The following USPL1 variants were observed in gnomAD, a reference collection of about 807,000 sequenced individuals.
USPL1 encodes SUMO-specific isopeptidase USPL1.
USPL1 carries 27 observed loss-of-function variants against 51.5 expected under a neutral mutation model. That is an observed-to-expected ratio of 0.52 (90% CI 0.39 to 0.72). The LOEUF is 0.72. Ranked by LOEUF, USPL1 falls within the 30% of genes least tolerant of loss-of-function variation. USPL1 has a pLI of 0.00. For missense variants in USPL1, 1,226 were observed against 1,268.0 expected (o/e 0.97, Z 0.50); for synonymous variants, 451 against 459.6 (o/e 0.98, Z 0.24).
At chr13:30,625,415 A>C (rs1950698733) in intron 3 of USPL1, among the ~76,000 whole-genome samples, 1 of 149,958 alleles carries the variant, frequency 6.7e-6, no homozygotes. Flanking sequence ...GATGTACTAC[A>C]TAGATTTTTA....
chr13:30,647,116 T>C (rs1209698086), intron 7 of USPL1, 59 bp downstream of exon 7: 3 of 1,526,110 alleles, frequency 2.0e-6, no homozygotes, highest in Non-Finnish European at 2.7e-6. Context: ...TACATTTTTC[T>C]TAATGTGTAG....
At position 30,653,214 on chromosome 13, in the gene USPL1, A is replaced by G. The variant is rs775886937; in HGVS notation, c.1305A>G (p.Ala435=). The change falls in exon 8 of 9, where the codon GCA becomes GCG. Residue 435 remains alanine, a synonymous_variant. Coordinates refer to ENST00000255304, the MANE Select transcript of USPL1 (RefSeq NM_005800.5). ...CACAGAATGACTTGCAGCACTATGC[A>G]TTTCATTTTGAAGGCTGTCTTTATC... The part of the protein sequence containing the change: ...GLPQNDLQHY[A]FHFEGCLYQI... The G allele has an allele frequency of 6.2e-7, 1 of 1,613,112 alleles. No individual in the cohort carries two copies. The highest frequency in any genetic ancestry group is 1.3e-5 in the African/African-American group (1 of 74,922).
chr13:30,631,737 C>T (rs1185175823), intron 4 of USPL1, among the ~76,000 whole-genome samples: 13 of 152,142 alleles, frequency 8.5e-5, no homozygotes, highest in Non-Finnish European at 1.6e-4. Flanking sequence ...GCACCCTTCC[C>T]GCCTCAGCCT....
At position 30,657,884 on chromosome 13, in the gene USPL1, T is replaced by G; in HGVS notation, c.1807T>G (p.Ser603Ala). ...AACAGCCTCAGTTTCACAGTTAAAT[T>G]CTGAAGCTTTCCTGTTAGAAAATAA... ...QKTASVSQLN[S>A]EAFLLENKPV... is the part of the protein sequence containing the mutation. Residue 603 changes from serine to alanine, a missense_variant, in exon 9 of 9, where the codon TCT (serine) becomes GCT (alanine). Physicochemically the swap from Ser to Ala is moderately conservative, Grantham distance 99. Transcript: ENST00000255304. 1 of 1,614,016 alleles carries G rather than the reference T, an allele frequency of 6.2e-7. No individual in the cohort carries two copies. The highest frequency in any genetic ancestry group is 1.1e-5 in the South Asian group (1 of 91,068).
chr13:30,655,395 G>A (rs781210891), intron 8 of USPL1, among the ~76,000 whole-genome samples: 13 of 152,176 alleles, frequency 8.5e-5, no homozygotes, highest in Non-Finnish European at 1.2e-4. Flanking sequence ...AAATTGGCCT[G>A]AAGTGACAAC....
intron 3 of USPL1, among the ~76,000 whole-genome samples, chr13:30,622,108 G>A (rs1441410736): frequency 6.6e-6 from 1 of 151,844 alleles, no homozygotes; most frequent in Admixed American, 6.6e-5. Flanking sequence ...TTTGATTTGC[G>A]AGAGGAGAAA....
At chr13:30,650,276 C>T (rs1338893813) in intron 7 of USPL1, among the ~76,000 whole-genome samples, 1 of 152,130 alleles carries the variant, frequency 6.6e-6, no homozygotes, top group Non-Finnish European at 1.5e-5. Flanking sequence ...TAAAAATATG[C>T]CATTAAGAAA....
At chr13:30,645,008 G>A (rs76403574) in intron 6 of USPL1, among the ~76,000 whole-genome samples, 2 of 152,186 alleles carry the variant, frequency 1.3e-5, no homozygotes, top group East Asian at 3.9e-4. Context: ...GAAGATCCTA[G>A]TGTCCTCATT....
intron 4 of USPL1, among the ~76,000 whole-genome samples, chr13:30,634,255 G>A (rs995029202): frequency 4.6e-5 from 7 of 152,300 alleles, no homozygotes; most frequent in Middle Eastern, 3.4e-3. Context: ...AGTGTAGACA[G>A]CATGGACACA....
intron 6 of USPL1, among the ~76,000 whole-genome samples, chr13:30,644,409 G>A (rs929105240): frequency 1.1e-4 from 11 of 102,952 alleles, no homozygotes; most frequent in Non-Finnish European, 1.8e-4. Context: ...GGCAACAAAG[G>A]TTTTGTTTTT....
intron 3 of USPL1, among the ~76,000 whole-genome samples, chr13:30,626,444 C>G (rs1253101831): frequency 6.6e-6 from 1 of 152,180 alleles, no homozygotes; most frequent in African/African-American, 2.4e-5. Flanking sequence ...TAGCCATGCT[C>G]AATCATTTAT....
rs1419238567 is a variant in USPL1 at position 30,658,661 on chromosome 13, C to A, written c.2584C>A (p.Gln862Lys). Residue 862 changes from glutamine (Q) to lysine (K), a missense_variant, in exon 9 of 9, where the codon CAA becomes AAA. Physicochemically the swap from Gln to Lys is moderately conservative, Grantham distance 53. Coordinates refer to ENST00000255304, the MANE Select transcript of USPL1 (RefSeq NM_005800.5). ...EKSGSTSCGA[Q>K]LNHSSYGNGI... Reference sequence around the variant, plus strand: ...GTCTGGAAGCACCTCATGTGGAGCTCAACTCAACCACAGTTCTTATGGGAA... The same window carrying A: ...GTCTGGAAGCACCTCATGTGGAGCTAAACTCAACCACAGTTCTTATGGGAA... The A allele has an allele frequency of 1.9e-6, 3 of 1,614,204 alleles. No homozygotes were observed. Among genetic ancestry groups the A allele is most frequent in the Non-Finnish European group, 1.7e-6 (2 of 1,180,034 alleles).
intron 3 of USPL1, among the ~76,000 whole-genome samples, chr13:30,624,386 A>G (rs1038834225): frequency 6.6e-6 from 1 of 152,196 alleles, no homozygotes; most frequent in Non-Finnish European, 1.5e-5. Context: ...AGGCTGAGGC[A>G]GGAGGATTGC....
intron 8 of USPL1, among the ~76,000 whole-genome samples, chr13:30,656,171 C>T (rs1161658683): frequency 6.6e-6 from 1 of 152,160 alleles, no homozygotes; most frequent in Non-Finnish European, 1.5e-5. Flanking sequence ...ACCTAGCCAC[C>T]TTCCTTTACT....
chr13:30,654,599 C>T (rs568754303), intron 8 of USPL1, among the ~76,000 whole-genome samples: 1 of 152,292 alleles, frequency 6.6e-6, no homozygotes, highest in South Asian at 2.1e-4. Context: ...GAACCACTGA[C>T]ACAGGCAAAC....
In USPL1 at chr13:30,635,034, G is replaced by C. The variant is rs561359786; in HGVS notation, c.869-2710G>C. The stretch of plus-strand genomic sequence containing the variant: ...CCCTATTTGTTCTGTTCTGTTGATT[G>C]TCACGTTTTAATTGATTTGTATGAG... On this transcript the variant is annotated intron_variant, in intron 4 of 8. Transcript: ENST00000255304. Among the ~76,000 whole-genome samples the C allele has an allele frequency of 1.6e-4, 25 of 152,194 alleles. 1 individual carries two copies. Among genetic ancestry groups the C allele is most frequent in the African/African-American group, 6.0e-4 (25 of 41,508 alleles).
chr13:30,631,274 A>C lies in USPL1; in HGVS notation c.668A>C (p.Gln223Pro), dbSNP rs779263029. 1.9e-6 allele frequency: 3 copies of C among 1,614,170 alleles called. No homozygotes were observed. Among genetic ancestry groups the C allele is most frequent in the Non-Finnish European group, 2.5e-6 (3 of 1,180,022 alleles). The change falls in exon 4 of 9, where the codon CAG (glutamine) becomes CCG (proline). Residue 223 changes from glutamine (Q) to proline (P), a missense_variant. Physicochemically the swap from Gln to Pro is moderately conservative, Grantham distance 76 (BLOSUM62 -1). Transcript: ENST00000255304. ...PLESKCTSFP[Q>P]ALCVQWKNAY... is the part of the protein sequence containing the mutation. ...GAGAGCAAATGTACATCATTTCCCC[A>C]GGCTTTATGTGTCCAGTGGAAAAAT... is the stretch of plus-strand genomic sequence containing the variant.
intron 3 of USPL1, among the ~76,000 whole-genome samples, chr13:30,626,804 C>T (rs1188744847): frequency 1.7e-4 from 26 of 149,168 alleles, no homozygotes; most frequent in Non-Finnish European, 3.3e-4. Flanking sequence ...TTTTTTTTTT[C>T]GTGGAGTAGT....
intron 3 of USPL1, among the ~76,000 whole-genome samples, chr13:30,627,634 A>G (rs1950736995): frequency 6.6e-6 from 1 of 152,032 alleles, no homozygotes; most frequent in Non-Finnish European, 1.5e-5. Context: ...CTTGAGATTC[A>G]CAAAGGGTTT....
Sources: gnomAD v4.1 joint callset for allele counts (sites outside exome capture counted in the v4.1 genomes callset) on GRCh38, gnomAD v4.1.1 for gene constraint, MANE v1.5 for transcripts, NCBI Gene and HGNC (gene_info 2026-07-23, HGNC 2026-07-21) for gene names.